ITGA9: variants seen among roughly 807,000 people sequenced by gnomAD.
ITGA9 encodes integrin alpha-9.
ITGA9 carries 56 observed loss-of-function variants against 127.8 expected under a neutral mutation model. The ratio of observed to expected loss-of-function variants is 0.44; its 90% CI spans 0.35 to 0.55. The LOEUF is 0.55. ITGA9 is among the 20% of genes least tolerant of loss of function. ITGA9 has a pLI of 0.00. For synonymous variants in ITGA9, 508 were observed against 514.5 expected (o/e 0.99, Z 0.17); for missense variants, 1,196 against 1,347.1 (o/e 0.89, Z 1.76).
chr3:37,539,438 T>G (rs896809000), intron 14 of ITGA9, among the ~76,000 whole-genome samples: 1 of 152,002 alleles, frequency 6.6e-6, no homozygotes, highest in Non-Finnish European at 1.5e-5. Context: ...AGGAATTGGG[T>G]TGTGAGATTA....
rs747948246 is a variant in ITGA9 at position 37,818,994 on chromosome 3, C to T, written c.*5C>T. The T allele has an allele frequency of 3.8e-6, 6 of 1,583,684 alleles. 1 individual carries two copies. In the South Asian group the frequency reaches 5.5e-5, roughly 15 times the overall value. On this transcript the variant is annotated 3_prime_UTR_variant, in exon 28 of 28. Transcript: ENST00000264741. ...TGGGTCCAGAAAAACCAGTGAGCTG[C>T]CACACCAGTCACATGACCTGATCAC... is the stretch of plus-strand genomic sequence containing the variant.
intron 18 of ITGA9, among the ~76,000 whole-genome samples, chr3:37,723,591 G>A (rs940340650): frequency 6.6e-6 from 1 of 152,098 alleles, no homozygotes; most frequent in Non-Finnish European, 1.5e-5. Flanking sequence ...CAAACTCCTG[G>A]CCCCAAGTGA....
At chr3:37,747,043 C>T (rs1289463652) in intron 22 of ITGA9, among the ~76,000 whole-genome samples, 1 of 152,184 alleles carries the variant, frequency 6.6e-6, no homozygotes, top group African/African-American at 2.4e-5. Context: ...CTTCCTCTCT[C>T]CTACTTATCC....
chr3:37,648,959 G>A lies in ITGA9; in HGVS notation c.1840-4755G>A, dbSNP rs1559557807. The stretch of plus-strand genomic sequence containing the variant: ...ATCAATAGCATGTAACTTGGGGGGA[G>A]CAGAGGGAAAATCAGAGTTTTTATG... On this transcript the variant is annotated intron_variant, in intron 16 of 27. Coordinates refer to ENST00000264741, the MANE Select transcript of ITGA9 (RefSeq NM_002207.3). 1.3e-5 allele frequency among the ~76,000 whole-genome samples: 2 copies of A among 151,784 alleles called. 1 individual carries two copies. Among genetic ancestry groups the A allele is most frequent in the South Asian group, 4.2e-4 (2 of 4,754 alleles).
intron 15 of ITGA9, among the ~76,000 whole-genome samples, chr3:37,564,457 T>A (rs1699526137): frequency 6.6e-6 from 1 of 152,204 alleles, no homozygotes; most frequent in African/African-American, 2.4e-5. Flanking sequence ...ATATTTTTGG[T>A]GGCCTCCTAC....
At chr3:37,572,044 CAGGATTTCAGCGGAATCCA>C (rs1254726888) in intron 15 of ITGA9, among the ~76,000 whole-genome samples, 1 of 151,990 alleles carries the variant, frequency 6.6e-6, no homozygotes, top group Admixed American at 6.6e-5. Flanking sequence ...AGTTTTGTCT[CAGGATTTCAGCGGAATCCA>C]AACCATGTGA....
chr3:37,758,535 A>G (rs1332533890), intron 23 of ITGA9, among the ~76,000 whole-genome samples: 1 of 151,322 alleles, frequency 6.6e-6, no homozygotes, highest in Non-Finnish European at 1.5e-5. Flanking sequence ...GTTTCTAAAA[A>G]GTTAAAAATT....
chr3:37,683,828 C>T, intron 17 of ITGA9, 37 bp from the exon 18 acceptor site: 1 of 1,609,406 alleles, frequency 6.2e-7, no homozygotes, highest in Non-Finnish European at 8.5e-7. Flanking sequence ...TTAGTGTAGG[C>T]CTCAGGGCAT....
At chr3:37,509,371 G>A (rs968563816) in intron 8 of ITGA9, among the ~76,000 whole-genome samples, 1 of 152,118 alleles carries the variant, frequency 6.6e-6, no homozygotes, top group Non-Finnish European at 1.5e-5. Context: ...CAGCAGGACT[G>A]TTTGGCTGAG....
At chr3:37,706,517 AC>A (rs1349049543) in intron 18 of ITGA9, among the ~76,000 whole-genome samples, 1 of 152,098 alleles carries the variant, frequency 6.6e-6, no homozygotes, top group East Asian at 1.9e-4. Flanking sequence ...TGGTGCTAAG[AC>A]TTTTTTGAGA....
At chr3:37,521,416 C>T (rs563352532) in intron 11 of ITGA9, among the ~76,000 whole-genome samples, 30 of 152,324 alleles carry the variant, frequency 2.0e-4, no homozygotes, top group South Asian at 8.3e-4. Context: ...GAGTTTACCA[C>T]GGAGAGTGTT....
intron 15 of ITGA9, among the ~76,000 whole-genome samples, chr3:37,587,951 A>G (rs1438539854): frequency 6.6e-6 from 1 of 152,190 alleles, no homozygotes; most frequent in African/African-American, 2.4e-5. Flanking sequence ...CAGTGGCAGA[A>G]TTGGAGCTGG....
intron 20 of ITGA9, among the ~76,000 whole-genome samples, chr3:37,741,415 C>CGACCCTCCTG (rs1696433817): frequency 6.6e-6 from 1 of 152,182 alleles, no homozygotes; most frequent in Non-Finnish European, 1.5e-5. Context: ...GCCGACAGCA[C>CGACCCTCCTG]GACCCTCCTG....
chr3:37,551,037 C>A (rs529011873), intron 15 of ITGA9, among the ~76,000 whole-genome samples: 55 of 152,056 alleles, frequency 3.6e-4, no homozygotes, highest in Non-Finnish European at 7.7e-4. Context: ...AGTCTTTTTT[C>A]TTTCTTGTTT....
intron 18 of ITGA9, among the ~76,000 whole-genome samples, chr3:37,729,996 C>G (rs549871389): frequency 6.6e-6 from 1 of 152,292 alleles, no homozygotes; most frequent in Admixed American, 6.5e-5. Flanking sequence ...GCCACAGCGC[C>G]CAGCCAATAA....
At chr3:37,684,915 A>G (rs1221137544) in intron 18 of ITGA9, among the ~76,000 whole-genome samples, 1 of 152,160 alleles carries the variant, frequency 6.6e-6, no homozygotes, top group Non-Finnish European at 1.5e-5. Flanking sequence ...ACCCATAATC[A>G]TCCCGAGTGT....
At chr3:37,461,085 A>G (rs1038930972) in intron 1 of ITGA9, among the ~76,000 whole-genome samples, 2 of 152,118 alleles carry the variant, frequency 1.3e-5, no homozygotes, top group African/African-American at 4.8e-5. Flanking sequence ...GCAGCATTGC[A>G]GAGGGTCTTG....
intron 5 of ITGA9, among the ~76,000 whole-genome samples, chr3:37,501,045 C>T (rs928092065): frequency 4.6e-5 from 7 of 151,892 alleles, no homozygotes; most frequent in Middle Eastern, 3.2e-3. Context: ...GAATGATCTA[C>T]GAAGGGACTT....
intron 18 of ITGA9, among the ~76,000 whole-genome samples, chr3:37,698,999 T>G (rs1380116167): frequency 1.3e-5 from 2 of 152,214 alleles, no homozygotes; most frequent in Non-Finnish European, 2.9e-5. Flanking sequence ...TCCCTTCTTC[T>G]GGGGATACTT....
Sources: allele counts gnomAD v4.1 joint callset (sites outside exome capture counted in the v4.1 genomes callset), GRCh38; gene constraint gnomAD v4.1.1; transcripts MANE v1.5; gene names NCBI Gene and HGNC (gene_info 2026-07-23, HGNC 2026-07-21).